Variants in SKA2 observed in about 807,000 individuals in gnomAD.
The protein encoded by SKA2 is spindle and kinetochore associated complex subunit 2.
A neutral mutation model predicts 16.9 loss-of-function variants in SKA2; 13 were observed. The ratio of observed to expected loss-of-function variants is 0.77; its 90% CI spans 0.50 to 1.22. The LOEUF is 1.22. Among genes scored for constraint, SKA2 ranks in the 50% most tolerant of loss-of-function variants. SKA2 has a pLI of 0.00. For synonymous variants in SKA2, 47 were observed against 48.5 expected (o/e 0.97, Z 0.13); for missense variants, 107 against 139.7 (o/e 0.77, Z 1.18).
intron 3 of SKA2, among the ~76,000 whole-genome samples, chr17:59,116,810 CTTT>C (rs909458290): frequency 1.3e-4 from 10 of 75,292 alleles, no homozygotes; most frequent in South Asian, 5.8e-4. Flanking sequence ...CTGCCTTTGG[CTTT>C]TTTTTTTTTT....
intron 2 of SKA2, among the ~76,000 whole-genome samples, chr17:59,119,912 CTT>C (rs758313063): frequency 7.7e-5 from 11 of 142,628 alleles, no homozygotes; most frequent in Admixed American, 7.1e-5. Context: ...TTATAAAAAT[CTT>C]TTTTTTTTTT....
intron 1 of SKA2, among the ~76,000 whole-genome samples, chr17:59,153,891 C>A (rs2046596683): frequency 6.6e-6 from 1 of 151,914 alleles, no homozygotes; most frequent in South Asian, 2.1e-4. Context: ...CCTGCCTCAG[C>A]CTCCCGAGTA....
At chr17:59,143,468 G>A (rs1057187713) in intron 1 of SKA2, among the ~76,000 whole-genome samples, 6 of 152,020 alleles carry the variant, frequency 3.9e-5, no homozygotes, top group African/African-American at 1.2e-4. Flanking sequence ...TGCAACCTCC[G>A]CTTCTGGGGT....
At chr17:59,145,067 G>A (rs1337647628) in intron 1 of SKA2, among the ~76,000 whole-genome samples, 3 of 152,120 alleles carry the variant, frequency 2.0e-5, no homozygotes, top group Non-Finnish European at 4.4e-5. Flanking sequence ...CAAAGTGCTG[G>A]GATTACAGGT....
chr17:59,114,135 T>C (rs1053428217), intron 3 of SKA2, among the ~76,000 whole-genome samples: 1 of 152,170 alleles, frequency 6.6e-6, no homozygotes, highest in African/African-American at 2.4e-5. Context: ...TACTCACATG[T>C]CATTTGGGTT....
intron 2 of SKA2, among the ~76,000 whole-genome samples, chr17:59,128,226 AAG>A (rs1288438737): frequency 6.6e-6 from 1 of 151,916 alleles, no homozygotes; most frequent in Non-Finnish European, 1.5e-5. Context: ...GAAAAAAAAA[AAG>A]AGAGAGAAAA....
chr17:59,141,723 CAAAAAAAAAA>C (rs540951589), intron 1 of SKA2, among the ~76,000 whole-genome samples: 1 of 53,312 alleles, frequency 1.9e-5, no homozygotes, highest in African/African-American at 6.8e-5. Context: ...GACCTTGTCT[CAAAAAAAAAA>C]AAAAAAAAAA....
At chr17:59,129,051 T>G (rs2046390896) in intron 2 of SKA2, among the ~76,000 whole-genome samples, 1 of 151,910 alleles carries the variant, frequency 6.6e-6, no homozygotes, top group African/African-American at 2.4e-5. Context: ...AAACAGTACT[T>G]GAAAGATACT....
rs371320497 is a variant in SKA2 at position 59,128,121 on chromosome 17, A to AGGAGAATCGCTT, written c.120+3148_120+3159dup. On this transcript the variant is annotated intron_variant, in intron 2 of 3. Transcript: ENST00000330137. ...TCCTAGCTACTCAGGAGGCTGAGGC[A>AGGAGAATCGCTT]GGAGAATCGCTTGAACCCAGGAGGC... Among the ~76,000 whole-genome samples, 194 of 152,142 alleles carry AGGAGAATCGCTT rather than the reference A, an allele frequency of 1.3e-3. 2 individuals are homozygous for AGGAGAATCGCTT. In the Middle Eastern group the frequency reaches 0.017, roughly 13 times the overall value.
intron 2 of SKA2, among the ~76,000 whole-genome samples, chr17:59,122,432 G>A (rs555662017): frequency 5.3e-5 from 8 of 152,068 alleles, no homozygotes; most frequent in East Asian, 2.0e-4. Context: ...CCAACATGGC[G>A]AAACCTCATC....
At chr17:59,128,324 C>G (rs761187313) in intron 2 of SKA2, among the ~76,000 whole-genome samples, 1 of 151,688 alleles carries the variant, frequency 6.6e-6, no homozygotes, top group Non-Finnish European at 1.5e-5. Context: ...ATGGATGAAA[C>G]TTAGAAACAT....
intron 2 of SKA2, among the ~76,000 whole-genome samples, chr17:59,124,714 A>G (rs569133437): frequency 6.6e-6 from 1 of 152,226 alleles, no homozygotes; most frequent in Non-Finnish European, 1.5e-5. Context: ...TATATAAAGC[A>G]TAAGAAATAA....
At chr17:59,138,491 G>A (rs1456163102) in intron 1 of SKA2, among the ~76,000 whole-genome samples, 8 of 151,974 alleles carry the variant, frequency 5.3e-5, no homozygotes, top group Non-Finnish European at 4.4e-5. Flanking sequence ...GAGGGCAGTG[G>A]CGCAATCTCA....
chr17:59,138,028 G>C (rs2046459358), intron 1 of SKA2, among the ~76,000 whole-genome samples: 1 of 152,026 alleles, frequency 6.6e-6, no homozygotes. Context: ...AAATCAGTGA[G>C]GTTATTGTTT....
intron 3 of SKA2, among the ~76,000 whole-genome samples, chr17:59,114,176 A>G (rs1231491954): frequency 1.3e-5 from 2 of 152,192 alleles, no homozygotes; most frequent in African/African-American, 4.8e-5. Context: ...CTGTTAGTTA[A>G]AAAATAAAGT....
intron 2 of SKA2, among the ~76,000 whole-genome samples, chr17:59,121,016 G>A (rs975646044): frequency 1.3e-5 from 2 of 151,928 alleles, no homozygotes; most frequent in Admixed American, 1.3e-4. Context: ...GCTGGGCATT[G>A]TGGCGGGCAC....
At chr17:59,112,688 C>T (rs2046271017) in intron 3 of SKA2, among the ~76,000 whole-genome samples, 1 of 152,156 alleles carries the variant, frequency 6.6e-6, no homozygotes, top group African/African-American at 2.4e-5. Flanking sequence ...TCCAGGATAA[C>T]AAAATCCACA....
chr17:59,121,619 T>C (rs1231114473), intron 2 of SKA2, among the ~76,000 whole-genome samples: 8 of 142,836 alleles, frequency 5.6e-5, no homozygotes, highest in African/African-American at 1.8e-4. Context: ...CACCATTGCA[T>C]TCCAGCCTGG....
chr17:59,112,336 G>T lies in SKA2; in HGVS notation c.307C>A (p.Leu103Met). The T allele has an allele frequency of 6.2e-7, 1 of 1,608,378 alleles. No homozygotes were observed. Among genetic ancestry groups the T allele is most frequent in the Non-Finnish European group, 8.5e-7 (1 of 1,178,348 alleles). ...GCCGCAGTTTTCTCTTCTTTAGTCA[G>T]TGGTGACAGCTAGAAAATAAATGAT... ...QKQTDLELSP[L>M]TKEEKTAAEQ... The change falls in exon 4 of 4, where the codon CTG (leucine) becomes ATG (methionine). Residue 103 changes from leucine to methionine, a missense_variant. Coordinates refer to ENST00000330137, the MANE Select transcript of SKA2 (RefSeq NM_182620.4).
Sources: gnomAD v4.1 joint callset for allele counts (sites outside exome capture counted in the v4.1 genomes callset) on GRCh38, gnomAD v4.1.1 for gene constraint, MANE v1.5 for transcripts, NCBI Gene and HGNC (gene_info 2026-07-23, HGNC 2026-07-21) for gene names.